The following DPP6 variants were observed in gnomAD, a reference collection of about 807,000 sequenced individuals.
DPP6 encodes the protein dipeptidyl peptidase like 6.
In DPP6, 69 loss-of-function variants were observed where a neutral mutation model predicts 122.6. The observed-to-expected ratio is 0.56, with a 90% CI of 0.46 to 0.69. DPP6 has a LOEUF of 0.69. Among genes scored for constraint, DPP6 ranks in the 30% least tolerant of loss-of-function variants. The pLI is 0.00. For synonymous variants in DPP6, 418 were observed against 433.1 expected (o/e 0.97, Z 0.43); for missense variants, 928 against 1,116.9 (o/e 0.83, Z 2.41).
At chr7:154,466,881 G>A (rs1821834331) in intron 2 of DPP6, among the ~76,000 whole-genome samples, 1 of 152,136 alleles carries the variant, frequency 6.6e-6, no homozygotes, top group Non-Finnish European at 1.5e-5. Context: ...TCAACTCAAA[G>A]TCTGTGATCT....
intron 1 of DPP6, among the ~76,000 whole-genome samples, chr7:153,927,938 GA>G (rs1443532494): frequency 6.6e-6 from 1 of 152,146 alleles, no homozygotes; most frequent in Non-Finnish European, 1.5e-5. Flanking sequence ...ATTGCCAAAA[GA>G]ATAGCTTCTG....
intron 7 of DPP6, among the ~76,000 whole-genome samples, chr7:154,688,781 C>T (rs1014674244): frequency 4.6e-5 from 7 of 152,156 alleles, no homozygotes; most frequent in African/African-American, 1.7e-4. Flanking sequence ...GGTGCATCTG[C>T]CTTCCCCAGC....
chr7:154,780,825 G>T (rs1433688361), intron 10 of DPP6, among the ~76,000 whole-genome samples: 1 of 152,226 alleles, frequency 6.6e-6, no homozygotes, highest in African/African-American at 2.4e-5. Flanking sequence ...GAGTCCATGG[G>T]TGGGTAGGTG....
At chr7:153,886,411 C>T (rs1381543514), upstream of DPP6, among the ~76,000 whole-genome samples, 1 of 151,772 alleles carries the variant, frequency 6.6e-6, no homozygotes, top group Non-Finnish European at 1.5e-5. Flanking sequence ...GGGATTTGGC[C>T]CCGGCCAGTG....
chr7:154,532,125 A>T (rs1398285627), intron 3 of DPP6, among the ~76,000 whole-genome samples: 1 of 152,118 alleles, frequency 6.6e-6, no homozygotes, highest in Non-Finnish European at 1.5e-5. Flanking sequence ...ACGTTTCAAA[A>T]GACTGAAATA....
At chr7:154,438,274 T>C (rs1006622294) in intron 1 of DPP6, among the ~76,000 whole-genome samples, 2 of 151,864 alleles carry the variant, frequency 1.3e-5, no homozygotes, top group African/African-American at 4.8e-5. Flanking sequence ...GAGACCATCC[T>C]GGCTGACACG....
intron 1 of DPP6, chr7:154,305,461 CCTG>C (rs765322890): frequency 1.3e-6 from 2 of 1,569,226 alleles, no homozygotes; most frequent in South Asian, 2.3e-5. Flanking sequence ...TCAGACCCCA[CCTG>C]CCCCGGTGGT....
intron 2 of DPP6, among the ~76,000 whole-genome samples, chr7:154,448,642 A>G (rs1267387969): frequency 2.0e-5 from 3 of 152,248 alleles, no homozygotes; most frequent in Non-Finnish European, 4.4e-5. Flanking sequence ...AACAATTCAA[A>G]GACTTATACC....
chr7:154,371,632 C>T (rs564008301), intron 1 of DPP6, among the ~76,000 whole-genome samples: 11 of 152,114 alleles, frequency 7.2e-5, no homozygotes, highest in African/African-American at 1.4e-4. Flanking sequence ...GTCTGTGTGC[C>T]GTGGGATGGC....
chr7:154,324,924 C>T (rs1262060463), intron 1 of DPP6, among the ~76,000 whole-genome samples: 1 of 135,378 alleles, frequency 7.4e-6, no homozygotes, highest in Non-Finnish European at 1.5e-5. Context: ...GCAATGGCAC[C>T]ATCTTGGCTC....
intron 1 of DPP6, among the ~76,000 whole-genome samples, chr7:153,916,127 T>G (rs1800301399): frequency 1.3e-5 from 2 of 150,706 alleles, no homozygotes; most frequent in East Asian, 4.0e-4. Context: ...CCACTGCGCC[T>G]GGCTAATGTT....
chr7:153,959,232 T>C (rs1795225997), intron 1 of DPP6, among the ~76,000 whole-genome samples: 1 of 151,902 alleles, frequency 6.6e-6, no homozygotes, highest in South Asian at 2.1e-4. Context: ...CCACAGAATT[T>C]TTCTGCAGTG....
chr7:154,265,128 T>G (rs1430300247), intron 1 of DPP6, among the ~76,000 whole-genome samples: 1 of 152,236 alleles, frequency 6.6e-6, no homozygotes, highest in Non-Finnish European at 1.5e-5. Flanking sequence ...GTGATGATGG[T>G]GTTAATGGTG....
At chr7:154,654,415 T>A in intron 6 of DPP6, among the ~76,000 whole-genome samples, 1 of 112,552 alleles carries the variant, frequency 8.9e-6, no homozygotes, top group Non-Finnish European at 1.8e-5. Context: ...CTTTCTTTCT[T>A]TCTTTCTTTC....
intron 1 of DPP6, chr7:154,094,263 CAG>C (rs1015350466): frequency 1.3e-5 from 2 of 152,078 alleles, no homozygotes; most frequent in African/African-American, 4.8e-5. Flanking sequence ...ATTGAAAGGT[CAG>C]GGGACGTTCC....
intron 2 of DPP6, among the ~76,000 whole-genome samples, chr7:154,469,922 G>A (rs542297959): frequency 6.6e-6 from 1 of 152,290 alleles, no homozygotes; most frequent in Admixed American, 6.5e-5. Flanking sequence ...GGAACAGGCT[G>A]CAGTGGTTTA....
intron 1 of DPP6, among the ~76,000 whole-genome samples, chr7:153,955,836 A>C (rs1178013994): frequency 6.6e-6 from 1 of 152,084 alleles, no homozygotes; most frequent in Non-Finnish European, 1.5e-5. Flanking sequence ...ATTTGAACTC[A>C]GTAAGTATGA....
chr7:154,369,337 C>G (rs547697412), intron 1 of DPP6, among the ~76,000 whole-genome samples: 1 of 152,140 alleles, frequency 6.6e-6, no homozygotes, highest in East Asian at 1.9e-4. Flanking sequence ...ACTTCTGTTG[C>G]TGAAGTTTGT....
In DPP6 at chr7:154,644,089, C is replaced by CA. The variant is rs567804266; in HGVS notation, c.680+6217dup. Among the ~76,000 whole-genome samples the CA allele has an allele frequency of 1.0e-3, 157 of 152,266 alleles. 1 individual carries two copies. The highest frequency in any genetic ancestry group is 3.6e-3 in the African/African-American group (150 of 41,562). ...CTAGAGTGCAGACAACTGAAATACT[C>CA]AGTGTTTAAAACCCAGTAGTATTGG... is the stretch of plus-strand genomic sequence containing the variant. On this transcript the variant is annotated intron_variant, in intron 6 of 25. Coordinates refer to ENST00000377770, the MANE Select transcript of DPP6 (RefSeq NM_130797.4).
Sources: allele counts gnomAD v4.1 joint callset (sites outside exome capture counted in the v4.1 genomes callset), GRCh38; gene constraint gnomAD v4.1.1; transcripts MANE v1.5; gene names NCBI Gene and HGNC (gene_info 2026-07-23, HGNC 2026-07-21).